Variants in CFHR4 observed in about 807,000 individuals in gnomAD.
CFHR4 encodes the protein complement factor H related 4.
CFHR4 carries 64 observed loss-of-function variants against 69.3 expected under a neutral mutation model. That is an observed-to-expected ratio of 0.92 (90% confidence interval 0.76 to 1.14). The LOEUF (loss-of-function observed/expected upper bound fraction) is 1.14, where lower values mean the gene tolerates loss of function less well. Among genes scored for constraint, CFHR4 ranks in the 50% most tolerant of loss-of-function variants. The pLI is 0.00. For synonymous variants in CFHR4, 244 were observed against 237.0 expected (o/e 1.03, Z -0.27); for missense variants, 636 against 684.9 (o/e 0.93, Z 0.80).
intron 1 of CFHR4, among the ~76,000 whole-genome samples, chr1:196,888,775 CA>C (rs1319314604): frequency 2.0e-5 from 3 of 151,172 alleles, no homozygotes; most frequent in African/African-American, 4.9e-5. Flanking sequence ...TATATGTAAT[CA>C]AAAAGCAGAA....
At chr1:196,896,093 A>G (rs1013695852) in intron 1 of CFHR4, among the ~76,000 whole-genome samples, 2 of 147,668 alleles carry the variant, frequency 1.4e-5, no homozygotes, top group Non-Finnish European at 3.0e-5. Flanking sequence ...GGAACATCCT[A>G]GTGTTTAGTG....
intron 6 of CFHR4, among the ~76,000 whole-genome samples, chr1:196,912,472 G>C (rs780907772): frequency 1.3e-5 from 2 of 151,198 alleles, no homozygotes; most frequent in Non-Finnish European, 2.9e-5. Flanking sequence ...TGCTAGATGT[G>C]CATTCCTTAA....
chr1:196,912,544 T>G (rs948625090), intron 6 of CFHR4, among the ~76,000 whole-genome samples, 196 bp from the exon 7 acceptor site: 8 of 151,394 alleles, frequency 5.3e-5, no homozygotes, highest in African/African-American at 2.0e-4. Context: ...CCCTTCCCTG[T>G]GTCTTCAACA....
intron 2 of CFHR4, among the ~76,000 whole-genome samples, chr1:196,904,282 CAAGAA>C (rs1657780569): frequency 6.6e-6 from 1 of 151,478 alleles, no homozygotes; most frequent in Admixed American, 6.6e-5. Context: ...GAAAAGTTGA[CAAGAA>C]TAGATCAGAA....
At chr1:196,905,436 A>T (rs986720414) in intron 3 of CFHR4, 146 bp downstream of exon 3, 1 of 1,230,588 alleles carries the variant, frequency 8.1e-7, no homozygotes, top group Non-Finnish European at 1.1e-6. Flanking sequence ...TCTGTGCCAA[A>T]CTAAGTCTTT....
At chr1:196,900,681 T>C (rs1185808680) in intron 1 of CFHR4, among the ~76,000 whole-genome samples, 3 of 151,474 alleles carry the variant, frequency 2.0e-5, no homozygotes, top group Admixed American at 6.6e-5. Context: ...TGTTAAATGA[T>C]CTATGTTGAA....
At position 196,914,376 on chromosome 1, in the gene CFHR4, A is replaced by T. The variant is rs1009265755; in HGVS notation, c.1181-119A>T. The T allele has an allele frequency of 1.6e-5, 15 of 952,084 alleles. No individual in the cohort carries two copies. The African/African-American group carries it at 2.1e-4, about 13-fold the overall frequency. The allele number at this position is 952,084 out of a possible 1,614,324, so 59.0% of individuals were successfully genotyped here. ...CACTGATTGTCAGACTATTTTTAATAGTACTCAATTTATTAGCACACACTG... is the reference window on the plus strand; with the variant it reads ...CACTGATTGTCAGACTATTTTTAATTGTACTCAATTTATTAGCACACACTG... On this transcript the variant is annotated intron_variant, in intron 7 of 9. Coordinates refer to ENST00000608469, the MANE Select transcript of CFHR4 (RefSeq NM_001201550.3).
intron 9 of CFHR4, among the ~76,000 whole-genome samples, chr1:196,915,476 A>G (rs1571454499): frequency 6.6e-6 from 1 of 151,340 alleles, no homozygotes; most frequent in Non-Finnish European, 1.5e-5. Flanking sequence ...CTCTACAAAA[A>G]ATACAAAAAT....
chr1:196,901,924 G>A (rs1657634584), intron 1 of CFHR4, among the ~76,000 whole-genome samples: 1 of 151,376 alleles, frequency 6.6e-6, no homozygotes, highest in Admixed American at 6.6e-5. Context: ...TTTGAGACAT[G>A]AATTAGCAAT....
intron 6 of CFHR4, 117 bp downstream of exon 6, chr1:196,910,595 T>C (rs1558248327): frequency 6.0e-6 from 5 of 833,224 alleles, no homozygotes; most frequent in Non-Finnish European, 7.4e-6. Context: ...GGAAGAGTTG[T>C]TCATGCAAAA....
chr1:196,908,896 T>C (rs180853940), intron 5 of CFHR4, among the ~76,000 whole-genome samples: 1 of 151,546 alleles, frequency 6.6e-6, no homozygotes, highest in African/African-American at 2.4e-5. Context: ...TTTTACCTTT[T>C]ATATTGACTG....
rs1657972083 is a variant in CFHR4 at position 196,907,378 on chromosome 1, CA to C, written c.684del (p.Val229CysfsTer24). 6.2e-7 allele frequency: 1 copy of C among 1,611,930 alleles called. No homozygotes were observed. The highest frequency in any genetic ancestry group is 1.3e-5 in the African/African-American group (1 of 74,284). On this transcript the variant is annotated frameshift_variant, in exon 5 of 10. Transcript: ENST00000608469. LOFTEE classifies it high-confidence loss of function. ...CAATGGAGATACCACGTCCTTCCCG[CA>C]AAAAGTGTATCTGCCATGGTCAAGA... ...ISNGDTTSFP[Q>X]KVYLPWSRVE...
chr1:196,895,697 C>A (rs1285604000), intron 1 of CFHR4, among the ~76,000 whole-genome samples: 1 of 151,282 alleles, frequency 6.6e-6, no homozygotes, highest in Non-Finnish European at 1.5e-5. Flanking sequence ...TTACTTCTTT[C>A]AGTATCTTTA....
intron 1 of CFHR4, among the ~76,000 whole-genome samples, chr1:196,901,562 G>T (rs1395462265): frequency 6.6e-6 from 1 of 151,204 alleles, no homozygotes; most frequent in African/African-American, 2.4e-5. Context: ...CTTGAACAAT[G>T]ATCATATTTC....
intron 6 of CFHR4, among the ~76,000 whole-genome samples, chr1:196,911,812 A>G (rs923280179): frequency 7.3e-5 from 11 of 151,510 alleles, no homozygotes; most frequent in African/African-American, 2.4e-4. Context: ...CAAGCACTTT[A>G]TAGGTATTGA....
intron 5 of CFHR4, among the ~76,000 whole-genome samples, chr1:196,909,486 A>G (rs1658117913): frequency 6.6e-6 from 1 of 151,604 alleles, no homozygotes; most frequent in Non-Finnish European, 1.5e-5. Flanking sequence ...AATTGTAAAC[A>G]GCCCCTGAAT....
At chr1:196,890,609 A>G (rs940006103) in intron 1 of CFHR4, among the ~76,000 whole-genome samples, 2 of 151,590 alleles carry the variant, frequency 1.3e-5, no homozygotes, top group African/African-American at 4.9e-5. Flanking sequence ...TTGCCATAAC[A>G]AAGTATCAAA....
chr1:196,912,412 T>C (rs1214847738), intron 6 of CFHR4, among the ~76,000 whole-genome samples: 1 of 151,506 alleles, frequency 6.6e-6, no homozygotes, highest in Non-Finnish European at 1.5e-5. Flanking sequence ...CTCAGGTTGT[T>C]GCAAAGTAGC....
In CFHR4 at chr1:196,893,568, T is replaced by G. The variant is rs1657140259; in HGVS notation, c.58+5360T>G. ...TTTTATAATTTATTTTTCTTTTAAT[T>G]TTTGACTTAAGCTCACAAGCAGTTC... is the stretch of plus-strand genomic sequence containing the variant. On this transcript the variant is annotated intron_variant, in intron 1 of 9. Transcript: ENST00000608469. Among the ~76,000 whole-genome samples the G allele has an allele frequency of 2.0e-5, 3 of 151,628 alleles. 1 individual carries two copies. In the South Asian group the frequency reaches 6.2e-4, roughly 31 times the overall value.
Sources: allele counts gnomAD v4.1 joint callset (sites outside exome capture counted in the v4.1 genomes callset), GRCh38; gene constraint gnomAD v4.1.1; transcripts MANE v1.5; gene names NCBI Gene and HGNC (gene_info 2026-07-23, HGNC 2026-07-21).